Variants in TANC1 observed in about 807,000 individuals in gnomAD.
TANC1 encodes the protein protein TANC1.
Under a neutral mutation model 149.7 loss-of-function variants are expected in TANC1, and 77 were observed. That is an observed-to-expected ratio of 0.51 (90% CI 0.43 to 0.62). The LOEUF (loss-of-function observed/expected upper bound fraction) is 0.62, where lower values mean the gene tolerates loss of function less well. TANC1 is among the 20% of genes least tolerant of loss of function. TANC1 has a pLI of 0.00. For synonymous variants in TANC1, 854 were observed against 925.0 expected, an observed-to-expected ratio of 0.92 and a Z score of 1.39; for missense variants, 1,985 against 2,321.8, an observed-to-expected ratio of 0.85 and a Z score of 2.98.
intron 3 of TANC1, among the ~76,000 whole-genome samples, chr2:159,094,782 G>GGGT (rs1553547289): frequency 7.3e-6 from 1 of 137,076 alleles, no homozygotes; most frequent in African/African-American, 2.8e-5. Flanking sequence ...TGTGGGGGGG[G>GGGT]GGTGGGGGCC....
chr2:159,055,825 A>G (rs2041806953), intron 2 of TANC1, among the ~76,000 whole-genome samples: 1 of 152,164 alleles, frequency 6.6e-6, no homozygotes, highest in South Asian at 2.1e-4. Context: ...CCATCCCTGG[A>G]TGGTTCTTGG....
intron 2 of TANC1, 116 bp from the exon 3 acceptor site, chr2:159,065,780 C>A: frequency 2.8e-6 from 2 of 713,690 alleles, no homozygotes; most frequent in Non-Finnish European, 4.9e-6. Flanking sequence ...GCTTAGGGTA[C>A]CTTAATATTA....
rs565412272 is a variant in TANC1, at chr2:159,156,935, A to C, written c.683-6348A>C. 1.1e-3 allele frequency among the ~76,000 whole-genome samples: 167 copies of C among 152,364 alleles called. 1 individual carries two copies. Among genetic ancestry groups the C allele is most frequent in the African/African-American group, 3.7e-3 (153 of 41,594 alleles). On this transcript the variant is annotated intron_variant, in intron 7 of 26. Coordinates refer to ENST00000263635, the MANE Select transcript of TANC1 (RefSeq NM_033394.3). ...GTTTCCTTAGTTGAAGAGCCTGATG[A>C]ATGTGGCTGGGAATGTGCGGCTCGG... is the stretch of plus-strand genomic sequence containing the variant.
chr2:159,177,541 G>T (rs1172481189), intron 13 of TANC1, among the ~76,000 whole-genome samples: 1 of 152,122 alleles, frequency 6.6e-6, no homozygotes, highest in Non-Finnish European at 1.5e-5. Flanking sequence ...ATATTTTTCA[G>T]TCATTTTTTA....
intron 4 of TANC1, among the ~76,000 whole-genome samples, chr2:159,115,635 C>T (rs1327638930): frequency 2.6e-5 from 4 of 152,100 alleles, no homozygotes; most frequent in Non-Finnish European, 4.4e-5. Flanking sequence ...CCCAACGGTC[C>T]GGAGAGCTGA....
intron 2 of TANC1, among the ~76,000 whole-genome samples, chr2:159,034,825 T>C (rs2040051648): frequency 1.3e-5 from 2 of 152,254 alleles, no homozygotes; most frequent in Admixed American, 6.5e-5. Context: ...TTGTTTCCAC[T>C]GTGCTGTGGT....
chr2:159,176,406 C>A lies in TANC1; in HGVS notation c.1790C>A (p.Ala597Asp). 2 of 1,575,428 alleles carry A rather than the reference C, an allele frequency of 1.3e-6. No homozygotes were observed. Among genetic ancestry groups the A allele is most frequent in the African/African-American group, 1.4e-5 (1 of 73,026 alleles). Residue 597 changes from alanine (A) to aspartate (D), a missense_variant, in exon 13 of 27, where the codon GCT becomes GAT. Transcript: ENST00000263635. ...ATTTTGATAGATGGCTTAAATGAAG[C>A]TGAGTTTCATAAACCTGATTATGGA... The part of the protein sequence containing the change: ...YIILIDGLNE[A>D]EFHKPDYGDT...
At position 159,135,098 on chromosome 2, in the gene TANC1, C is replaced by T. The variant is rs1214216304; in HGVS notation, c.260-1096C>T. On this transcript the variant is annotated intron_variant, in intron 4 of 26. Transcript: ENST00000263635. ...AGTCACATATCCCTTACCATTACCC[C>T]ACAGGCCTGCATAGCCTGCATAACC... 1.3e-5 allele frequency among the ~76,000 whole-genome samples: 2 copies of T among 152,194 alleles called. 1 individual carries two copies. Among genetic ancestry groups the T allele is most frequent in the Non-Finnish European group, 2.9e-5 (2 of 68,038 alleles).
chr2:159,059,888 T>TGTGTGTG lies in TANC1; in HGVS notation c.-15-6008_-15-6007insGTGTGTG, dbSNP rs1553532950. 5.4e-4 allele frequency among the ~76,000 whole-genome samples: 62 copies of TGTGTGTG among 114,818 alleles called. No individual in the cohort carries two copies. The East Asian group carries it at 1.0e-2, about 19-fold the overall frequency. 75.3% of individuals were successfully genotyped at this position (114,818 alleles called of 152,430 possible). A position where few individuals can be genotyped will look rare whatever the true frequency, so the allele number is the denominator to read the frequency against. On this transcript the variant is annotated intron_variant, in intron 2 of 26. Transcript: ENST00000263635. ...CCAGTGTACCATCTAGCAGACCTCT[T>TGTGTGTG]TGTGTGTGTGTGTGTGTGTGTGTGT...
intron 10 of TANC1, among the ~76,000 whole-genome samples, chr2:159,171,195 G>A (rs781052659): frequency 7.9e-5 from 12 of 152,166 alleles, no homozygotes; most frequent in East Asian, 3.9e-4. Context: ...CACAGCCTTC[G>A]TCTTCTGTAT....
At chr2:159,170,993 T>C (rs2055134691) in intron 10 of TANC1, among the ~76,000 whole-genome samples, 188 bp downstream of exon 10, 1 of 152,242 alleles carries the variant, frequency 6.6e-6, no homozygotes, top group African/African-American at 2.4e-5. Flanking sequence ...AGCTGTAAGC[T>C]GGGGCGAGGC....
intron 3 of TANC1, among the ~76,000 whole-genome samples, chr2:159,075,416 CA>C (rs55932985): frequency 0.25 from 36,013 of 143,868 alleles, 5,703 homozygotes; most frequent in Non-Finnish European, 0.37. Flanking sequence ...AAAAAAAAAA[CA>C]AAAAAAAAAC....
intron 14 of TANC1, 36 bp downstream of exon 14, chr2:159,179,199 A>C: frequency 6.3e-7 from 1 of 1,576,404 alleles, no homozygotes; most frequent in Non-Finnish European, 8.6e-7. Flanking sequence ...CTTTGCAGGG[A>C]ATCTCGTGTG....
chr2:159,020,981 A>G (rs1031418678), intron 2 of TANC1, among the ~76,000 whole-genome samples: 1 of 151,966 alleles, frequency 6.6e-6, no homozygotes, highest in Non-Finnish European at 1.5e-5. Flanking sequence ...GTGTAATATA[A>G]TGTGTCACTC....
intron 2 of TANC1, among the ~76,000 whole-genome samples, chr2:159,033,466 G>C (rs967976715): frequency 6.6e-6 from 1 of 152,176 alleles, no homozygotes; most frequent in Non-Finnish European, 1.5e-5. Flanking sequence ...CATGGGCTGC[G>C]GGAGAGGGGA....
At chr2:159,021,619 AAAAGAAAG>A (rs113106796) in intron 2 of TANC1, among the ~76,000 whole-genome samples, 13 of 152,172 alleles carry the variant, frequency 8.5e-5, no homozygotes, top group South Asian at 2.1e-4. Context: ...ATCTCTTTAA[AAAAGAAAG>A]AAAGAAAGAA....
chr2:159,136,337 AT>A, intron 5 of TANC1, 39 bp downstream of exon 5: 2 of 1,109,980 alleles, frequency 1.8e-6, no homozygotes, highest in African/African-American at 1.5e-5. Flanking sequence ...TCTACCAAAG[AT>A]TTTATACAAT....
chr2:159,075,930 C>T (rs1429902647), intron 3 of TANC1, among the ~76,000 whole-genome samples: 1 of 152,206 alleles, frequency 6.6e-6, no homozygotes, highest in African/African-American at 2.4e-5. Flanking sequence ...CCTGTGTAAG[C>T]AGTATGTGAA....
At chr2:159,059,931 G>GTGTGTGTGGTTT (rs2042118015) in intron 2 of TANC1, among the ~76,000 whole-genome samples, 1 of 38,674 alleles carries the variant, frequency 2.6e-5, no homozygotes, top group Non-Finnish European at 5.6e-5. Context: ...TGTGTGTGTG[G>GTGTGTGTGGTTT]TTTTTTGTTG....
Sources: gnomAD v4.1 joint callset for allele counts (sites outside exome capture counted in the v4.1 genomes callset) on GRCh38, gnomAD v4.1.1 for gene constraint, MANE v1.5 for transcripts, NCBI Gene and HGNC (gene_info 2026-07-23, HGNC 2026-07-21) for gene names.